The following PRKN variants were observed in gnomAD, a reference collection of about 807,000 sequenced individuals.
The protein encoded by PRKN is parkin RBR E3 ubiquitin protein ligase, also known as E3 ubiquitin-protein ligase parkin.
Under a neutral mutation model 59.5 loss-of-function variants are expected in PRKN, and 56 were observed. That is an observed-to-expected ratio of 0.94 (90% confidence interval 0.76 to 1.18). The LOEUF (loss-of-function observed/expected upper bound fraction) is 1.18, where lower values mean the gene tolerates loss of function less well. Among genes scored for constraint, PRKN ranks in the 50% most tolerant of loss-of-function variants. The pLI, the probability that PRKN is intolerant of heterozygous loss-of-function variation, is 0.00. For missense variants in PRKN, 657 were observed against 596.4 expected (o/e 1.10, Z -1.06); for synonymous variants, 250 against 222.1 (o/e 1.13, Z -1.12).
At chr6:161,914,309 T>C (rs1341682502) in intron 6 of PRKN, among the ~76,000 whole-genome samples, 1 of 152,194 alleles carries the variant, frequency 6.6e-6, no homozygotes, top group Non-Finnish European at 1.5e-5. Context: ...GAATTTACTG[T>C]AGGATTCTAT....
chr6:162,662,029 G>A (rs2128228395), intron 1 of PRKN, among the ~76,000 whole-genome samples: 1 of 151,522 alleles, frequency 6.6e-6, no homozygotes, highest in South Asian at 2.1e-4. Flanking sequence ...TACATGTTTA[G>A]CCCCCATCTG....
At chr6:162,175,088 T>TA (rs1354208218) in intron 4 of PRKN, among the ~76,000 whole-genome samples, 1 of 152,138 alleles carries the variant, frequency 6.6e-6, no homozygotes, top group Non-Finnish European at 1.5e-5. Flanking sequence ...GAAAGTTGAT[T>TA]AATCGGTTAC....
At chr6:161,889,210 T>A (rs1795255092) in intron 6 of PRKN, among the ~76,000 whole-genome samples, 2 of 151,764 alleles carry the variant, frequency 1.3e-5, no homozygotes, top group African/African-American at 2.4e-5. Context: ...TATCTGAGGG[T>A]CACCGAAGAA....
intron 4 of PRKN, among the ~76,000 whole-genome samples, chr6:162,197,069 C>T (rs1181623632): frequency 1.3e-5 from 2 of 152,124 alleles, no homozygotes; most frequent in Non-Finnish European, 1.5e-5. Context: ...ACATGCTGCT[C>T]ACCTATAACT....
At chr6:162,462,079 C>T (rs1030146122) in intron 1 of PRKN, among the ~76,000 whole-genome samples, 1 of 152,140 alleles carries the variant, frequency 6.6e-6, no homozygotes, top group African/African-American at 2.4e-5. Flanking sequence ...GAGCAGAGAG[C>T]AGGCAGAGTC....
intron 1 of PRKN, among the ~76,000 whole-genome samples, chr6:162,670,531 T>A (rs1340280081): frequency 2.6e-5 from 4 of 152,200 alleles, no homozygotes; most frequent in Non-Finnish European, 4.4e-5. Flanking sequence ...TCTTTATCTA[T>A]GCTGGCGCTA....
rs1422388479 is a variant in PRKN at position 161,581,609 on chromosome 6, C to T, written c.872-12193G>A. ...ACTTACTTATGGACAAGGTGAAGGG[C>T]GTTGGGCCTATGTCATCAACAGTGA... On this transcript the variant is annotated intron_variant, in intron 7 of 11. Transcript: ENST00000366898. The surrounding 1 kb of genome is among the most constrained non-coding windows in gnomAD (Gnocchi z 4.5). Among the ~76,000 whole-genome samples the T allele has an allele frequency of 1.3e-5, 2 of 152,014 alleles. No homozygotes were observed. The highest frequency in any genetic ancestry group is 2.4e-5 in the African/African-American group (1 of 41,360).
At position 162,208,740 on chromosome 6, in the gene PRKN, A is replaced by C. The variant is rs910087837; in HGVS notation, c.413-7488T>G. On this transcript the variant is annotated intron_variant, in intron 3 of 11. Transcript: ENST00000366898. The stretch of plus-strand genomic sequence containing the variant: ...GTGCCAGGAAAGTCACAGCTTTCCA[A>C]AAGTTGAATAAACTCCATAATATAA... 2.2e-4 allele frequency among the ~76,000 whole-genome samples: 34 copies of C among 152,310 alleles called. 2 individuals carry two copies. Among genetic ancestry groups the C allele is most frequent in the Admixed American group, 2.0e-3 (31 of 15,296 alleles).
At chr6:162,113,175 C>T (rs1246998666) in intron 4 of PRKN, among the ~76,000 whole-genome samples, 3 of 152,082 alleles carry the variant, frequency 2.0e-5, no homozygotes, top group Admixed American at 6.6e-5. Flanking sequence ...TGTATTAAGC[C>T]ATATGAAATA....
At chr6:161,978,005 G>GTTATTTTATTTTATT (rs1460889583) in intron 5 of PRKN, among the ~76,000 whole-genome samples, 1 of 149,252 alleles carries the variant, frequency 6.7e-6, no homozygotes, top group African/African-American at 2.5e-5. Context: ...CTAATTTGCA[G>GTTATTTTATTTTATT]TTATTTTATT....
At chr6:162,041,125 C>T (rs767175743) in intron 5 of PRKN, among the ~76,000 whole-genome samples, 22 of 152,014 alleles carry the variant, frequency 1.4e-4, no homozygotes, top group Non-Finnish European at 2.9e-4. Flanking sequence ...GCAGGGGTTG[C>T]GACCAGCTGA....
intron 2 of PRKN, among the ~76,000 whole-genome samples, chr6:162,427,655 T>C (rs975084353): frequency 1.5e-5 from 2 of 134,532 alleles, no homozygotes; most frequent in African/African-American, 6.7e-5. Context: ...TTTTTTTTTC[T>C]TTTTTTTTTT....
chr6:162,240,231 A>G (rs939254633), intron 3 of PRKN, among the ~76,000 whole-genome samples: 1 of 152,218 alleles, frequency 6.6e-6, no homozygotes, highest in Non-Finnish European at 1.5e-5. Flanking sequence ...ATTTTTTAAA[A>G]TAAGATCTTT....
At chr6:161,435,218 A>G (rs1034528509) in intron 9 of PRKN, among the ~76,000 whole-genome samples, 2 of 152,178 alleles carry the variant, frequency 1.3e-5, no homozygotes, top group Admixed American at 1.3e-4. Context: ...ATTTCACTCT[A>G]AAATCATTTT....
intron 2 of PRKN, among the ~76,000 whole-genome samples, chr6:162,295,197 C>T (rs1197070146): frequency 6.6e-6 from 1 of 152,146 alleles, no homozygotes; most frequent in African/African-American, 2.4e-5. Context: ...GCTGGTCGCT[C>T]GGTACCCATA....
chr6:161,622,577 C>T (rs1459385434), intron 7 of PRKN, among the ~76,000 whole-genome samples: 1 of 152,176 alleles, frequency 6.6e-6, no homozygotes, highest in African/African-American at 2.4e-5. Flanking sequence ...GGACACAGGT[C>T]TTCCCTCCAC....
chr6:162,558,581 A>G (rs1583801199), intron 1 of PRKN, among the ~76,000 whole-genome samples: 2 of 151,870 alleles, frequency 1.3e-5, no homozygotes, highest in East Asian at 3.9e-4. Flanking sequence ...TGCCTGCCTC[A>G]GCCTCCCAAA....
At chr6:161,571,605 T>A (rs142682278) in intron 7 of PRKN, among the ~76,000 whole-genome samples, 1,623 of 152,314 alleles carry the variant, frequency 0.011, 12 homozygotes, top group Non-Finnish European at 0.018. Flanking sequence ...AACTGCAGGT[T>A]TTTCAACACA....
intron 5 of PRKN, among the ~76,000 whole-genome samples, chr6:161,988,760 A>C (rs1208222382): frequency 3.9e-5 from 6 of 152,160 alleles, no homozygotes; most frequent in Non-Finnish European, 1.5e-5. Flanking sequence ...CCCAAAAAAA[A>C]ATTGCAGAAA....
Sources: allele counts gnomAD v4.1 joint callset (sites outside exome capture counted in the v4.1 genomes callset), GRCh38; gene constraint gnomAD v4.1.1; non-coding constraint Gnocchi (gnomAD v3.1); transcripts MANE v1.5; gene names NCBI Gene and HGNC (gene_info 2026-07-23, HGNC 2026-07-21).